Variants in RNF13 observed in about 807,000 individuals in gnomAD.
RNF13 encodes the protein E3 ubiquitin-protein ligase RNF13.
In RNF13, 19 loss-of-function variants were observed where a neutral mutation model predicts 37.7. That is an observed-to-expected ratio of 0.50 (90% CI 0.35 to 0.74). The LOEUF (loss-of-function observed/expected upper bound fraction) is 0.74. Ranked by LOEUF, RNF13 falls within the 30% of genes least tolerant of loss-of-function variation. The probability of loss-of-function intolerance (pLI) is 0.01; values close to 1 mark genes in which losing one functional copy is unlikely to be tolerated. For synonymous variants in RNF13, 144 were observed against 157.8 expected (o/e 0.91, Z 0.65); for missense variants, 375 against 453.0 (o/e 0.83, Z 1.56).
intron 3 of RNF13, among the ~76,000 whole-genome samples, chr3:149,865,193 C>T (rs1576787070): frequency 6.6e-6 from 1 of 151,514 alleles, no homozygotes; most frequent in East Asian, 1.9e-4. Context: ...AAAATAAAAA[C>T]AAGCATCTCC....
intron 8 of RNF13, among the ~76,000 whole-genome samples, chr3:149,934,093 T>G (rs1272847279): frequency 6.6e-6 from 1 of 152,174 alleles, no homozygotes; most frequent in African/African-American, 2.4e-5. Flanking sequence ...TTTCTTTCTT[T>G]ATGGTTCAGT....
At position 149,871,979 on chromosome 3, in the gene RNF13, T is replaced by C. The variant is rs956270964; in HGVS notation, c.196-50T>C. The C allele has an allele frequency of 7.4e-6, 11 of 1,483,880 alleles. No individual in the cohort carries two copies. The South Asian group carries it at 1.0e-4, about 14-fold the overall frequency. 91.9% of individuals were successfully genotyped at this position (1,483,880 alleles called of 1,614,324 possible). ...AAAGATATTTGTAGAAGTAAGTTGA[T>C]TGATTTACTGAGTGAAACAGAGAGA... On this transcript the variant is annotated intron_variant, in intron 3 of 9. Transcript: ENST00000392894.
chr3:149,819,834 T>C (rs1719849130), intron 1 of RNF13, among the ~76,000 whole-genome samples: 1 of 152,248 alleles, frequency 6.6e-6, no homozygotes, highest in African/African-American at 2.4e-5. Context: ...TACCTTTATA[T>C]TCCTTTTAAG....
At chr3:149,843,878 G>A (rs945027965) in intron 1 of RNF13, among the ~76,000 whole-genome samples, 5 of 152,224 alleles carry the variant, frequency 3.3e-5, no homozygotes, top group Admixed American at 1.3e-4. Flanking sequence ...TTAGGATTAA[G>A]TGAGTTAACT....
intron 4 of RNF13, among the ~76,000 whole-genome samples, chr3:149,876,964 G>A (rs1164886775): frequency 6.6e-6 from 1 of 151,802 alleles, no homozygotes; most frequent in Admixed American, 6.6e-5. Flanking sequence ...GTTTTTAGTA[G>A]AGATGGTATT....
chr3:149,950,405 G>T (rs762156199), intron 8 of RNF13, among the ~76,000 whole-genome samples: 1 of 152,192 alleles, frequency 6.6e-6, no homozygotes, highest in African/African-American at 2.4e-5. Flanking sequence ...TAAATAGGCC[G>T]TTAGTCATGT....
chr3:149,933,939 T>C (rs1002598946), intron 8 of RNF13, among the ~76,000 whole-genome samples: 2 of 152,186 alleles, frequency 1.3e-5, no homozygotes, highest in African/African-American at 2.4e-5. Flanking sequence ...AATCATGTCA[T>C]CTGTGAACAA....
chr3:149,912,120 G>T (rs1359035503), intron 7 of RNF13, 37 bp downstream of exon 7: 1 of 994,726 alleles, frequency 1.0e-6, no homozygotes. Flanking sequence ...TTAAAAAATA[G>T]TATGGATGAA....
chr3:149,953,329 G>A (rs1023137961), intron 8 of RNF13, among the ~76,000 whole-genome samples: 1 of 152,132 alleles, frequency 6.6e-6, no homozygotes, highest in Non-Finnish European at 1.5e-5. Context: ...TTGTTTTAGC[G>A]CAGGCACTAT....
chr3:149,845,999 C>A lies in RNF13; in HGVS notation c.-16-12C>A. ...GCACCAGCTCTCAGTTACTCACATCCTTGTCTTCCAGGTGATTTTACAACG... is the reference window on the plus strand; with the variant it reads ...GCACCAGCTCTCAGTTACTCACATCATTGTCTTCCAGGTGATTTTACAACG... On this transcript the variant is annotated splice_polypyrimidine_tract_variant and intron_variant, in intron 1 of 9. Transcript: ENST00000392894. 6.8e-7 allele frequency: 1 copy of A among 1,466,862 alleles called. No individual in the cohort carries two copies. Among genetic ancestry groups the A allele is most frequent in the Non-Finnish European group, 9.5e-7 (1 of 1,050,586 alleles). 90.9% of individuals were successfully genotyped at this position (1,466,862 alleles called of 1,614,324 possible).
rs149404657 is a variant in RNF13, at chr3:149,902,088, A to C, written c.426A>C (p.Lys142Asn). 1 of 1,478,742 alleles carries C rather than the reference A, an allele frequency of 6.8e-7. No homozygotes were observed. Among genetic ancestry groups the C allele is most frequent in the Non-Finnish European group, 9.1e-7 (1 of 1,099,854 alleles). The allele number at this position is 1,478,742 out of a possible 1,614,324, so 91.6% of individuals were successfully genotyped here. Reference protein sequence around the residue: ...MGSNDIEVLKKIDIPSVFIGE... With the variant: ...MGSNDIEVLKNIDIPSVFIGE... ...TTTATACAGTTGAGGTACTAAAGAAAATTGACATTCCATCTGTCTTTATTG... is the reference window on the plus strand; with the variant it reads ...TTTATACAGTTGAGGTACTAAAGAACATTGACATTCCATCTGTCTTTATTG... The change falls in exon 6 of 10, where the codon AAA becomes AAC. Residue 142 changes from lysine to asparagine, a missense_variant. By Grantham distance (94) the Lys-to-Asn change is moderately conservative. Coordinates refer to ENST00000392894, the MANE Select transcript of RNF13 (RefSeq NM_183381.3).
chr3:149,956,926 TCA>T (rs1721926849), intron 8 of RNF13, among the ~76,000 whole-genome samples: 1 of 152,122 alleles, frequency 6.6e-6, no homozygotes, highest in African/African-American at 2.4e-5. Context: ...GCCGCAACTC[TCA>T]GTTATGAAAA....
At chr3:149,849,927 T>C (rs1452432638) in intron 2 of RNF13, among the ~76,000 whole-genome samples, 6 of 152,134 alleles carry the variant, frequency 3.9e-5, no homozygotes, top group Admixed American at 2.0e-4. Context: ...GTCAAACTTA[T>C]GTGGTAATCA....
At chr3:149,953,784 TA>T (rs753165200) in intron 8 of RNF13, among the ~76,000 whole-genome samples, 8 of 152,210 alleles carry the variant, frequency 5.3e-5, no homozygotes, top group Non-Finnish European at 2.9e-5. Context: ...CATTCATGTG[TA>T]AATGTACCTA....
At chr3:149,829,856 G>A (rs1720874293) in intron 1 of RNF13, among the ~76,000 whole-genome samples, 1 of 152,190 alleles carries the variant, frequency 6.6e-6, no homozygotes. Flanking sequence ...GGGACGTGGT[G>A]GGAGGTAATT....
rs1426679503 is a variant in RNF13 at position 149,960,789 on chromosome 3, C to T, written c.831C>T (p.Thr277=). The change falls in exon 10 of 10, where the codon ACC becomes ACT. Residue 277 remains threonine (T), a synonymous_variant. Transcript: ENST00000392894. ...VDPWLTKTKK[T]CPVCKQKVVP... The stretch of plus-strand genomic sequence containing the variant: ...CTTGGCTAACTAAAACCAAAAAAAC[C>T]TGTCCAGTGTGCAAGCAAAAAGTTG... 1 of 1,613,974 alleles carries T rather than the reference C, an allele frequency of 6.2e-7. No homozygotes were observed.
At chr3:149,817,518 T>A (rs1396659163) in intron 1 of RNF13, among the ~76,000 whole-genome samples, 3 of 152,214 alleles carry the variant, frequency 2.0e-5, no homozygotes, top group Non-Finnish European at 4.4e-5. Flanking sequence ...TTGTTATTTT[T>A]ATTATCCTGT....
At chr3:149,936,180 T>C (rs1218888886) in intron 8 of RNF13, among the ~76,000 whole-genome samples, 1 of 152,158 alleles carries the variant, frequency 6.6e-6, no homozygotes, top group Non-Finnish European at 1.5e-5. Flanking sequence ...TTTTTGACCT[T>C]TGAGAATTTG....
At chr3:149,913,449 C>A (rs1392107444) in intron 7 of RNF13, among the ~76,000 whole-genome samples, 1 of 152,114 alleles carries the variant, frequency 6.6e-6, no homozygotes, top group African/African-American at 2.4e-5. Flanking sequence ...TTTTACATTG[C>A]CAGGAGACTT....
Sources: gnomAD v4.1 joint callset for allele counts (sites outside exome capture counted in the v4.1 genomes callset) on GRCh38, gnomAD v4.1.1 for gene constraint, MANE v1.5 for transcripts, NCBI Gene and HGNC (gene_info 2026-07-23, HGNC 2026-07-21) for gene names.